The following SFXN5 variants were observed in gnomAD, a reference collection of about 807,000 sequenced individuals.
SFXN5 encodes sideroflexin-5.
SFXN5 carries 43 observed loss-of-function variants against 50.2 expected under a neutral mutation model. The ratio of observed to expected loss-of-function variants is 0.86; its 90% CI spans 0.67 to 1.11. The LOEUF (loss-of-function observed/expected upper bound fraction) is 1.11, where lower values mean the gene tolerates loss of function less well. Ranked by LOEUF, SFXN5 falls within the 50% of genes least tolerant of loss-of-function variation. The pLI, the probability that SFXN5 is intolerant of heterozygous loss-of-function variation, is 0.00. For missense variants in SFXN5, 463 were observed against 454.1 expected, an observed-to-expected ratio of 1.02 and a Z score of -0.18; for synonymous variants, 203 against 185.8, an observed-to-expected ratio of 1.09 and a Z score of -0.75.
chr2:72,975,245 C>G (rs1027515634), intron 10 of SFXN5, among the ~76,000 whole-genome samples: 12 of 152,116 alleles, frequency 7.9e-5, no homozygotes, highest in African/African-American at 2.9e-4. Flanking sequence ...TAATGAAGCA[C>G]CCGGTGTAAA....
At chr2:72,969,842 C>T (rs1674941080) in intron 11 of SFXN5, among the ~76,000 whole-genome samples, 1 of 152,020 alleles carries the variant, frequency 6.6e-6, no homozygotes, top group Admixed American at 6.6e-5. Context: ...GGGTTTCCCT[C>T]GGGGTCTGCT....
chr2:73,037,737 C>T (rs1047692386), intron 3 of SFXN5, among the ~76,000 whole-genome samples: 18 of 152,306 alleles, frequency 1.2e-4, no homozygotes, highest in Admixed American at 9.8e-4. Context: ...CTTCAAAAAT[C>T]TGAAGGAAAA....
intron 10 of SFXN5, among the ~76,000 whole-genome samples, chr2:72,978,017 A>G (rs919971998): frequency 6.6e-6 from 1 of 151,286 alleles, no homozygotes; most frequent in African/African-American, 2.4e-5. Flanking sequence ...AAAAAAAAAA[A>G]AGAAACTCTA....
chr2:73,017,698 T>C (rs897545091), intron 6 of SFXN5, among the ~76,000 whole-genome samples: 1 of 152,148 alleles, frequency 6.6e-6, no homozygotes, highest in Non-Finnish European at 1.5e-5. Context: ...GGAGAACAAA[T>C]GAACATCGAG....
intron 2 of SFXN5, among the ~76,000 whole-genome samples, chr2:73,054,665 G>A (rs544052333): frequency 2.8e-4 from 43 of 152,220 alleles, no homozygotes; most frequent in South Asian, 8.3e-4. Context: ...TGCTTCCCAC[G>A]TCTCCCTCTA....
At chr2:73,001,849 T>A (rs1249927743) in intron 6 of SFXN5, among the ~76,000 whole-genome samples, 1 of 152,228 alleles carries the variant, frequency 6.6e-6, no homozygotes, top group Non-Finnish European at 1.5e-5. Context: ...ACACACATTA[T>A]CTTCAAGCAT....
intron 11 of SFXN5, among the ~76,000 whole-genome samples, chr2:72,970,693 G>A (rs1225886862): frequency 6.9e-6 from 1 of 145,378 alleles, no homozygotes; most frequent in African/African-American, 2.5e-5. Flanking sequence ...CATGGACTGC[G>A]TTTTTTTTTT....
chr2:73,008,791 G>A (rs1490475373), intron 6 of SFXN5, among the ~76,000 whole-genome samples: 2 of 152,186 alleles, frequency 1.3e-5, no homozygotes, highest in Non-Finnish European at 2.9e-5. Context: ...GCCACACACC[G>A]AAGGGGGAAA....
chr2:73,004,313 G>GCACACACACACACA (rs1239165881), intron 6 of SFXN5, among the ~76,000 whole-genome samples: 11 of 138,432 alleles, frequency 7.9e-5, no homozygotes, highest in African/African-American at 3.4e-4. Context: ...ATGAGTGCGC[G>GCACACACACACACA]CGCACACACA....
At position 72,945,156 on chromosome 2, in the gene SFXN5, G is replaced by C. The variant is rs1328431922; in HGVS notation, c.946-57C>G. On this transcript the variant is annotated intron_variant, in intron 13 of 13. Transcript: ENST00000272433. The surrounding 1 kb of genome is among the most constrained non-coding windows in gnomAD (Gnocchi z 5.8). ...GGAGTGGGAAGGGGCAAATAGTGGG[G>C]CTGGGAGCTGCAGTGAGGACCACCC... 3 of 1,523,130 alleles carry C rather than the reference G, an allele frequency of 2.0e-6. No homozygotes were observed. Among genetic ancestry groups the C allele is most frequent in the African/African-American group, 1.4e-5 (1 of 72,498 alleles). The allele number at this position is 1,523,130 out of a possible 1,614,324, so 94.4% of individuals were successfully genotyped here.
chr2:73,047,294 ATAT>A (rs1302496336), intron 2 of SFXN5, among the ~76,000 whole-genome samples: 15 of 102,216 alleles, frequency 1.5e-4, no homozygotes, highest in African/African-American at 6.4e-4. Flanking sequence ...ATATATATAT[ATAT>A]AAAATATATA....
intron 12 of SFXN5, among the ~76,000 whole-genome samples, chr2:72,963,770 C>T (rs1674041962): frequency 1.3e-5 from 2 of 152,120 alleles, no homozygotes; most frequent in African/African-American, 2.4e-5. Flanking sequence ...TGGGCTGGGG[C>T]TGAGCCAGCT....
chr2:72,987,703 C>T (rs1672080744), intron 10 of SFXN5, among the ~76,000 whole-genome samples: 2 of 151,728 alleles, frequency 1.3e-5, no homozygotes. Context: ...TGCAGTGAGC[C>T]GAGATTGCAC....
At chr2:73,001,348 C>T (rs181917209) in intron 7 of SFXN5, among the ~76,000 whole-genome samples, 177 bp downstream of exon 7, 111 of 152,320 alleles carry the variant, frequency 7.3e-4, no homozygotes, top group African/African-American at 2.5e-3. Context: ...TGGAGACCTG[C>T]TCAGCAGGGC....
intron 5 of SFXN5, among the ~76,000 whole-genome samples, 200 bp from the exon 6 acceptor site, chr2:73,020,464 C>T (rs1357603336): frequency 6.6e-6 from 1 of 152,190 alleles, no homozygotes; most frequent in East Asian, 1.9e-4. Flanking sequence ...GCCTCCTCTT[C>T]TCTGCTCCCC....
At chr2:73,023,154 G>C in intron 4 of SFXN5, 34 bp downstream of exon 4, 1 of 1,594,826 alleles carries the variant, frequency 6.3e-7, no homozygotes, top group South Asian at 1.1e-5. Context: ...AGGACAACAC[G>C]GAGAAGGAAA....
intron 1 of SFXN5, among the ~76,000 whole-genome samples, chr2:73,060,298 G>T (rs956135597): frequency 6.6e-6 from 1 of 152,074 alleles, no homozygotes; most frequent in Non-Finnish European, 1.5e-5. Flanking sequence ...GGGCAGGTGG[G>T]ACACTGTGTT....
rs1200421614 is a variant in SFXN5 at position 72,961,746 on chromosome 2, A to G, written c.828-498T>C. 6.6e-6 allele frequency among the ~76,000 whole-genome samples: 1 copy of G among 152,192 alleles called. No individual in the cohort carries two copies. On this transcript the variant is annotated intron_variant, in intron 12 of 13. Coordinates refer to ENST00000272433, the MANE Select transcript of SFXN5 (RefSeq NM_144579.3). The surrounding 1 kb of genome is among the most constrained non-coding windows in gnomAD (Gnocchi z 4.4). Reference sequence around the variant, plus strand: ...GGCACACGCCAGCCAGGAGGGGGTGATCCTCCTCTATGTGTGAGAACAGAA... The same window carrying G: ...GGCACACGCCAGCCAGGAGGGGGTGGTCCTCCTCTATGTGTGAGAACAGAA...
intron 9 of SFXN5, among the ~76,000 whole-genome samples, chr2:72,995,254 T>C (rs906317327): frequency 2.6e-5 from 4 of 152,152 alleles, no homozygotes; most frequent in Admixed American, 1.3e-4. Flanking sequence ...TAAAAAACAG[T>C]GAGGATTGAG....
Sources: gnomAD v4.1 joint callset for allele counts (sites outside exome capture counted in the v4.1 genomes callset) on GRCh38, gnomAD v4.1.1 for gene constraint, Gnocchi (gnomAD v3.1) non-coding constraint, MANE v1.5 for transcripts, NCBI Gene and HGNC (gene_info 2026-07-23, HGNC 2026-07-21) for gene names.